Variants in GLG1 observed in about 807,000 individuals in gnomAD.
GLG1 encodes golgi glycoprotein 1, also known as Golgi apparatus protein 1.
In GLG1, 38 loss-of-function variants were observed where a neutral mutation model predicts 160.5. The ratio of observed to expected loss-of-function variants is 0.24; its 90% CI spans 0.18 to 0.31. The LOEUF is 0.31. Ranked by LOEUF, GLG1 falls within the 10% of genes least tolerant of loss-of-function variation. The probability of loss-of-function intolerance (pLI) is 1.00; values close to 1 mark genes in which losing one functional copy is unlikely to be tolerated. For synonymous variants in GLG1, 644 were observed against 543.4 expected, an observed-to-expected ratio of 1.19 and a Z score of -2.57; for missense variants, 1,373 against 1,505.2, an observed-to-expected ratio of 0.91 and a Z score of 1.45.
chr16:74,481,910 C>T (rs962166144), intron 10 of GLG1, among the ~76,000 whole-genome samples: 2 of 152,126 alleles, frequency 1.3e-5, no homozygotes, highest in South Asian at 2.1e-4. Context: ...CTCAGCCTCC[C>T]GAGTAGCTGG....
intron 2 of GLG1, among the ~76,000 whole-genome samples, chr16:74,523,071 A>G (rs1315160379): frequency 6.6e-6 from 1 of 152,236 alleles, no homozygotes; most frequent in Non-Finnish European, 1.5e-5. Context: ...CCCAATTAAG[A>G]AAACTTAAAT....
At chr16:74,465,198 T>A (rs577936276) in intron 19 of GLG1, among the ~76,000 whole-genome samples, 1 of 152,298 alleles carries the variant, frequency 6.6e-6, no homozygotes, top group South Asian at 2.1e-4. Flanking sequence ...GGTACTCAGG[T>A]CAGCCCTGCT....
intron 18 of GLG1, among the ~76,000 whole-genome samples, chr16:74,467,074 G>C (rs1014038654): frequency 1.8e-4 from 28 of 152,180 alleles, no homozygotes; most frequent in African/African-American, 6.8e-4. Flanking sequence ...TGAAACTACA[G>C]ATCATTACAG....
At chr16:74,529,814 T>TG (rs2017472425) in intron 2 of GLG1, among the ~76,000 whole-genome samples, 1 of 129,972 alleles carries the variant, frequency 7.7e-6, no homozygotes, top group Admixed American at 7.9e-5. Context: ...TGAGAGTTCT[T>TG]TTTTTTTTTT....
intron 1 of GLG1, among the ~76,000 whole-genome samples, chr16:74,538,232 AT>A (rs2017738859): frequency 6.7e-6 from 1 of 150,096 alleles, no homozygotes; most frequent in Non-Finnish European, 1.5e-5. Flanking sequence ...CCTTAGAAAA[AT>A]TTGAAGTCAC....
chr16:74,499,594 A>G (rs2016334902), intron 4 of GLG1, among the ~76,000 whole-genome samples: 1 of 152,306 alleles, frequency 6.6e-6, no homozygotes, highest in South Asian at 2.1e-4. Flanking sequence ...TATGATACTC[A>G]CACAGTGATC....
intron 19 of GLG1, 36 bp from the exon 20 acceptor site, chr16:74,463,515 A>C: frequency 1.2e-6 from 2 of 1,608,422 alleles, no homozygotes; most frequent in Non-Finnish European, 1.7e-6. Flanking sequence ...CAGCTATCTA[A>C]ACATGGCGAT....
intron 1 of GLG1, among the ~76,000 whole-genome samples, chr16:74,574,730 A>C (rs1288330152): frequency 1.3e-5 from 2 of 151,120 alleles, no homozygotes; most frequent in African/African-American, 4.9e-5. Flanking sequence ...TAAAAACACA[A>C]AAAATTAGCT....
At chr16:74,582,889 T>C (rs1013266317) in intron 1 of GLG1, among the ~76,000 whole-genome samples, 1 of 152,006 alleles carries the variant, frequency 6.6e-6, no homozygotes, top group South Asian at 2.1e-4. Flanking sequence ...CTGGGTTCTA[T>C]AGAAGGTATT....
In GLG1 at chr16:74,503,449, T is replaced by C. The variant is rs1362632029; in HGVS notation, c.774+82A>G. Reference sequence around the variant, plus strand: ...AACTTAAGGTCACTCCAGTCCTAAATTTTTCCCATGTCAGTTATACAAAGC... The same window carrying C: ...AACTTAAGGTCACTCCAGTCCTAAACTTTTCCCATGTCAGTTATACAAAGC... On this transcript the variant is annotated intron_variant, in intron 4 of 25. Coordinates refer to ENST00000422840, the MANE Select transcript of GLG1 (RefSeq NM_001145667.2). The C allele has an allele frequency of 5.4e-6, 5 of 928,666 alleles. No homozygotes were observed. The African/African-American group carries it at 8.1e-5, about 15-fold the overall frequency. 57.5% of individuals were successfully genotyped at this position (928,666 alleles called of 1,614,324 possible).
intron 2 of GLG1, among the ~76,000 whole-genome samples, chr16:74,529,507 T>C (rs1196960109): frequency 6.6e-6 from 1 of 151,722 alleles, no homozygotes; most frequent in Non-Finnish European, 1.5e-5. Flanking sequence ...TTATTAGTTA[T>C]TTGAAGTCCT....
intron 2 of GLG1, among the ~76,000 whole-genome samples, chr16:74,509,326 A>G (rs1414158171): frequency 6.6e-6 from 1 of 151,992 alleles, no homozygotes; most frequent in Non-Finnish European, 1.5e-5. Context: ...ACCATTAAAA[A>G]GTCAAGAAAA....
chr16:74,504,888 T>C (rs770320877), intron 3 of GLG1, among the ~76,000 whole-genome samples: 24 of 152,108 alleles, frequency 1.6e-4, no homozygotes, highest in Non-Finnish European at 3.1e-4. Flanking sequence ...AATGCTGAAA[T>C]TCAGGCAAAA....
At chr16:74,604,409 T>C (rs1160703997) in intron 1 of GLG1, among the ~76,000 whole-genome samples, 2 of 152,184 alleles carry the variant, frequency 1.3e-5, no homozygotes, top group Non-Finnish European at 2.9e-5. Context: ...ATAAGGTACT[T>C]GAGCGTCCTT....
intron 4 of GLG1, among the ~76,000 whole-genome samples, chr16:74,502,300 T>C (rs2016433258): frequency 6.6e-6 from 1 of 152,200 alleles, no homozygotes; most frequent in African/African-American, 2.4e-5. Flanking sequence ...GCCAGATCTC[T>C]ATTGTGACCT....
chr16:74,562,854 G>C (rs938227474), intron 1 of GLG1, among the ~76,000 whole-genome samples: 14 of 152,114 alleles, frequency 9.2e-5, no homozygotes, highest in African/African-American at 2.7e-4. Flanking sequence ...GGTTCTTCTG[G>C]AAATGACGTC....
At chr16:74,482,067 C>T (rs1257133708) in intron 10 of GLG1, among the ~76,000 whole-genome samples, 1 of 152,018 alleles carries the variant, frequency 6.6e-6, no homozygotes, top group African/African-American at 2.4e-5. Context: ...GGATTACAGG[C>T]GTGAGCCACC....
chr16:74,547,970 G>A (rs1484515050), intron 1 of GLG1, among the ~76,000 whole-genome samples: 1 of 152,190 alleles, frequency 6.6e-6, no homozygotes, highest in African/African-American at 2.4e-5. Flanking sequence ...TCGCTCTGTC[G>A]CCCAGGCTGG....
At chr16:74,486,961 T>C (rs146584237) in intron 8 of GLG1, among the ~76,000 whole-genome samples, 1,699 of 150,748 alleles carry the variant, frequency 0.011, 16 homozygotes, top group Middle Eastern at 0.028. Flanking sequence ...TCACCCAGGC[T>C]GGAGTGCAGT....
Sources: gnomAD v4.1 joint callset for allele counts (sites outside exome capture counted in the v4.1 genomes callset) on GRCh38, gnomAD v4.1.1 for gene constraint, MANE v1.5 for transcripts, NCBI Gene and HGNC (gene_info 2026-07-23, HGNC 2026-07-21) for gene names.